The following GRM5 variants were observed in gnomAD, a reference collection of about 807,000 sequenced individuals.
The protein encoded by GRM5 is glutamate metabotropic receptor 5.
In GRM5, 19 loss-of-function variants were observed where a neutral mutation model predicts 83.1. That is an observed-to-expected ratio of 0.23 (90% CI 0.16 to 0.34). GRM5 has a LOEUF of 0.34. Among genes scored for constraint, GRM5 ranks in the 10% least tolerant of loss-of-function variants. The probability of loss-of-function intolerance (pLI) is 1.00; values close to 1 mark genes in which losing one functional copy is unlikely to be tolerated. For synonymous variants in GRM5, 675 were observed against 633.6 expected (o/e 1.07, Z -0.98); for missense variants, 1,160 against 1,588.3 (o/e 0.73, Z 4.58).
chr11:88,962,988 C>G (rs1371860677), intron 2 of GRM5, among the ~76,000 whole-genome samples: 2 of 152,170 alleles, frequency 1.3e-5, no homozygotes, highest in Admixed American at 6.5e-5. Flanking sequence ...ACTCAGGAGG[C>G]TGAGGCAGGA....
chr11:88,570,896 T>A (rs1245266205), intron 7 of GRM5, among the ~76,000 whole-genome samples: 1 of 151,984 alleles, frequency 6.6e-6, no homozygotes, highest in Non-Finnish European at 1.5e-5. Context: ...TTATATTAGT[T>A]CATTTATAGC....
At chr11:88,570,571 A>ATATATATATATATATATATATT (rs1405339448) in intron 7 of GRM5, among the ~76,000 whole-genome samples, 1 of 46,378 alleles carries the variant, frequency 2.2e-5, no homozygotes. Context: ...ATATATATAT[A>ATATATATATATATATATATATT]TTTTTTTTTT....
chr11:88,732,810 A>G (rs1941833889), intron 3 of GRM5, among the ~76,000 whole-genome samples: 1 of 151,880 alleles, frequency 6.6e-6, no homozygotes, highest in African/African-American at 2.4e-5. Context: ...TCCCCTGCCC[A>G]CCCCTCTGGT....
intron 3 of GRM5, among the ~76,000 whole-genome samples, chr11:88,705,450 G>T (rs1381008177): frequency 6.6e-6 from 1 of 152,024 alleles, no homozygotes; most frequent in East Asian, 1.9e-4. Context: ...GATGCTAGAA[G>T]TATCACTGTT....
chr11:88,940,386 CTTTTTTTCTTTTTTTT>C (rs1390630465), intron 2 of GRM5, among the ~76,000 whole-genome samples: 3 of 98,754 alleles, frequency 3.0e-5, no homozygotes, highest in Admixed American at 1.0e-4. Flanking sequence ...TTCTTTTTTT[CTTTTTTTCTTTTTTTT>C]GTCATTTGCT....
intron 3 of GRM5, among the ~76,000 whole-genome samples, chr11:88,752,261 G>A (rs1355196690): frequency 6.6e-6 from 1 of 152,138 alleles, no homozygotes; most frequent in African/African-American, 2.4e-5. Context: ...AAAGTCTCAG[G>A]ATATAAAGTC....
chr11:88,998,256 G>A (rs1389273326), intron 2 of GRM5, among the ~76,000 whole-genome samples: 2 of 152,156 alleles, frequency 1.3e-5, no homozygotes, highest in African/African-American at 4.8e-5. Flanking sequence ...ACCAAGTGGT[G>A]TTTATTCCAG....
At chr11:88,973,911 A>G (rs1361236783) in intron 2 of GRM5, among the ~76,000 whole-genome samples, 2 of 152,190 alleles carry the variant, frequency 1.3e-5, no homozygotes, top group Non-Finnish European at 2.9e-5. Context: ...AGAATTTAAA[A>G]ATTAGAAGAT....
chr11:88,835,162 G>A lies in GRM5; in HGVS notation c.911+14744C>T, dbSNP rs1478011855. ...AGGGATATTTAAGGGGTCTGTGGAAGTCTTACTGGAGTTCAGGATATCTTC... is the reference window on the plus strand; with the variant it reads ...AGGGATATTTAAGGGGTCTGTGGAAATCTTACTGGAGTTCAGGATATCTTC... On this transcript the variant is annotated intron_variant, in intron 3 of 9. Transcript: ENST00000305447. 2.6e-5 allele frequency among the ~76,000 whole-genome samples: 4 copies of A among 152,328 alleles called. No homozygotes were observed. The East Asian group carries it at 7.7e-4, about 29-fold the overall frequency.
intron 3 of GRM5, among the ~76,000 whole-genome samples, chr11:88,756,524 G>A (rs1051319848): frequency 2.2e-4 from 34 of 152,146 alleles, no homozygotes; most frequent in African/African-American, 8.2e-4. Context: ...GAATTAATAT[G>A]TCTCATATAG....
rs184001317 is a variant in GRM5 at position 88,947,059 on chromosome 11, T to C, written c.662-96904A>G. 3.5e-3 allele frequency among the ~76,000 whole-genome samples: 539 copies of C among 152,234 alleles called. 4 individuals carry two copies. The highest frequency in any genetic ancestry group is 0.012 in the African/African-American group (515 of 41,560). ...TTTGGCTTTAAAAATGGATTGAACA[T>C]ATTGAATTTTTTAAACAAAGAACTA... On this transcript the variant is annotated intron_variant, in intron 2 of 9. Coordinates refer to ENST00000305447, the MANE Select transcript of GRM5 (RefSeq NM_001143831.3).
intron 3 of GRM5, among the ~76,000 whole-genome samples, chr11:88,661,964 A>T (rs773043232): frequency 1.3e-5 from 2 of 152,172 alleles, no homozygotes; most frequent in Non-Finnish European, 2.9e-5. Context: ...AAATCAACTT[A>T]TTTCTGAGGT....
intron 2 of GRM5, among the ~76,000 whole-genome samples, chr11:88,866,990 A>C (rs977684336): frequency 1.3e-5 from 2 of 151,996 alleles, no homozygotes; most frequent in African/African-American, 4.8e-5. Context: ...TGTTTTTGTC[A>C]GGTTTGTCAA....
At chr11:88,728,353 T>A (rs991028470) in intron 3 of GRM5, among the ~76,000 whole-genome samples, 4 of 151,952 alleles carry the variant, frequency 2.6e-5, no homozygotes, top group African/African-American at 9.7e-5. Flanking sequence ...AATAGACTAA[T>A]AACAAGTTCT....
At chr11:88,714,729 T>G (rs1357084613) in intron 3 of GRM5, among the ~76,000 whole-genome samples, 3 of 151,882 alleles carry the variant, frequency 2.0e-5, no homozygotes, top group African/African-American at 7.2e-5. Context: ...GACTCATGTT[T>G]CCTGTGATGC....
chr11:88,712,424 T>C (rs1399541880), intron 3 of GRM5, among the ~76,000 whole-genome samples: 2 of 152,056 alleles, frequency 1.3e-5, no homozygotes, highest in Non-Finnish European at 2.9e-5. Flanking sequence ...TTATTTAACA[T>C]ATGTTTTTAG....
chr11:88,789,551 G>T (rs1319092006), intron 3 of GRM5, among the ~76,000 whole-genome samples: 1 of 152,038 alleles, frequency 6.6e-6, no homozygotes, highest in Non-Finnish European at 1.5e-5. Context: ...AATACTCAGA[G>T]AATTTATAAA....
chr11:88,590,576 A>G, intron 7 of GRM5, 25 bp downstream of exon 7: 1 of 1,602,370 alleles, frequency 6.2e-7, no homozygotes, highest in Non-Finnish European at 8.5e-7. Flanking sequence ...GTTAATTTAT[A>G]TGTGGTGAGA....
chr11:88,963,390 G>A (rs976817876), intron 2 of GRM5, among the ~76,000 whole-genome samples: 2 of 152,198 alleles, frequency 1.3e-5, no homozygotes, highest in African/African-American at 2.4e-5. Flanking sequence ...CATACAGTTA[G>A]TTAGGTATTG....
Sources: allele counts gnomAD v4.1 joint callset (sites outside exome capture counted in the v4.1 genomes callset), GRCh38; gene constraint gnomAD v4.1.1; transcripts MANE v1.5; gene names NCBI Gene and HGNC (gene_info 2026-07-23, HGNC 2026-07-21).